The following FAM20C variants were observed in gnomAD, a reference collection of about 807,000 sequenced individuals.
FAM20C encodes the protein extracellular serine/threonine protein kinase FAM20C.
A neutral mutation model predicts 51.5 loss-of-function variants in FAM20C; 40 were observed. The observed-to-expected ratio is 0.78, with a 90% confidence interval of 0.60 to 1.01. FAM20C has a LOEUF of 1.01. FAM20C is among the 50% of genes least tolerant of loss of function. The pLI, the probability that FAM20C is intolerant of heterozygous loss-of-function variation, is 0.00. For synonymous variants in FAM20C, 406 were observed against 380.6 expected (o/e 1.07, Z -0.78); for missense variants, 861 against 844.7 (o/e 1.02, Z -0.24).
chr7:211,208 C>T (rs1251602488), intron 3 of FAM20C, among the ~76,000 whole-genome samples: 1 of 149,126 alleles, frequency 6.7e-6, no homozygotes, highest in African/African-American at 2.5e-5. Context: ...CTCCAACCTC[C>T]CTCAGCCTCC....
At chr7:246,196 G>A (rs1262943824) in intron 3 of FAM20C, 3 of 520,390 alleles carry the variant, frequency 5.8e-6, no homozygotes, top group Admixed American at 3.2e-5. Context: ...TCAGGGCCAC[G>A]GGGAGCTGGG....
At chr7:258,304 G>GCA (rs1202026480) in intron 8 of FAM20C, among the ~76,000 whole-genome samples, 1 of 64,024 alleles carries the variant, frequency 1.6e-5, no homozygotes, top group Non-Finnish European at 3.3e-5. Context: ...CTGGAGATGG[G>GCA]TGGGATGGAC....
chr7:233,947 G>C (rs931134516), intron 3 of FAM20C, among the ~76,000 whole-genome samples: 8 of 152,306 alleles, frequency 5.3e-5, no homozygotes, highest in South Asian at 2.1e-4. Context: ...GGCCAGCTCT[G>C]GGGGGAGGGA....
chr7:251,748 C>T (rs1268414315), intron 5 of FAM20C, among the ~76,000 whole-genome samples: 2 of 152,144 alleles, frequency 1.3e-5, no homozygotes, highest in African/African-American at 2.4e-5. Flanking sequence ...TTAAGCGCTC[C>T]AGCAGCTTCC....
chr7:212,570 G>A (rs527336527), intron 3 of FAM20C, among the ~76,000 whole-genome samples: 65 of 152,240 alleles, frequency 4.3e-4, no homozygotes, highest in African/African-American at 1.4e-3. Context: ...TTTCTCCTCC[G>A]AGGTGCTAGA....
intron 2 of FAM20C, among the ~76,000 whole-genome samples, chr7:203,125 G>GC (rs1786207349): frequency 6.6e-6 from 1 of 152,154 alleles, no homozygotes; most frequent in African/African-American, 2.4e-5. Context: ...GTGCCAGGAT[G>GC]CCCCCGCCTC....
intron 3 of FAM20C, among the ~76,000 whole-genome samples, chr7:218,595 G>A (rs73040196): frequency 0.22 from 33,934 of 152,064 alleles, 4,478 homozygotes; most frequent in Admixed American, 0.33. Context: ...CCTCACCACC[G>A]CTCTGACGCC....
rs1785727172 is a variant in FAM20C at position 194,010 on chromosome 7, G to A, written c.605+206G>A. 9.9e-6 allele frequency: 8 copies of A among 808,292 alleles called. No individual in the cohort carries two copies. The South Asian group carries it at 1.1e-4, about 11-fold the overall frequency. 50.1% of individuals were successfully genotyped at this position (808,292 alleles called of 1,614,324 possible). A position where few individuals can be genotyped will look rare whatever the true frequency, so the allele number is the denominator to read the frequency against. On this transcript the variant is annotated intron_variant, in intron 1 of 9. Coordinates refer to ENST00000313766, the MANE Select transcript of FAM20C (RefSeq NM_020223.4). The stretch of plus-strand genomic sequence containing the variant: ...CTTGGGAGGGGCTGCCGGCTGGTCC[G>A]GGAGCTGTGCCCTGTGGCTGCTGGT...
chr7:211,319 G>A (rs1786698975), intron 3 of FAM20C, among the ~76,000 whole-genome samples: 1 of 119,118 alleles, frequency 8.4e-6, no homozygotes, highest in Admixed American at 8.5e-5. Context: ...CCTCCTCCCA[G>A]CCTCCCCACA....
chr7:213,695 C>G (rs1187845025), intron 3 of FAM20C, among the ~76,000 whole-genome samples: 1 of 152,158 alleles, frequency 6.6e-6, no homozygotes, highest in African/African-American at 2.4e-5. Flanking sequence ...GGAGCAGTTG[C>G]CGGATCACGT....
chr7:197,207 G>A (rs1179761780), intron 2 of FAM20C: 2 of 166,972 alleles, frequency 1.2e-5, no homozygotes, highest in Non-Finnish European at 2.9e-5. Flanking sequence ...CAGCCTCAAC[G>A]AGATCTGCTG....
chr7:193,599 C>A lies in FAM20C; in HGVS notation c.400C>A (p.Pro134Thr). 2.6e-6 allele frequency: 4 copies of A among 1,537,014 alleles called. No homozygotes were observed. The highest frequency in any genetic ancestry group is 3.5e-6 in the Non-Finnish European group (4 of 1,141,714). ...TCCCGGCGCCCTAAGACCCCACGAC[C>A]CCGCGCACCGGCCGCTGCTGCGAGA... ...RDPGALRPHD[P>T]AHRPLLRDPG... Residue 134 changes from proline to threonine, a missense_variant, in exon 1 of 10, where the codon CCC becomes ACC. By Grantham distance (38) the Pro-to-Thr change is conservative. Coordinates refer to ENST00000313766, the MANE Select transcript of FAM20C (RefSeq NM_020223.4).
At chr7:251,631 G>A (rs1057216878) in intron 5 of FAM20C, among the ~76,000 whole-genome samples, 43 of 152,192 alleles carry the variant, frequency 2.8e-4, no homozygotes, top group Non-Finnish European at 5.6e-4. Flanking sequence ...GGCCAGGGAC[G>A]GTGGTCACCG....
chr7:214,954 G>C (rs1786890690), intron 3 of FAM20C, among the ~76,000 whole-genome samples: 1 of 152,132 alleles, frequency 6.6e-6, no homozygotes, highest in Admixed American at 6.5e-5. Flanking sequence ...CCAGGCACTG[G>C]GAACACAGAT....
intron 3 of FAM20C, among the ~76,000 whole-genome samples, chr7:220,988 C>T (rs1207676484): frequency 4.3e-5 from 5 of 117,132 alleles, no homozygotes; most frequent in Admixed American, 7.8e-5. Flanking sequence ...GGCTCGTCTC[C>T]AGCAGGGCAG....
At chr7:218,690 C>T (rs1787114668) in intron 3 of FAM20C, among the ~76,000 whole-genome samples, 1 of 152,242 alleles carries the variant, frequency 6.6e-6, no homozygotes, top group Non-Finnish European at 1.5e-5. Context: ...AGGGCTCACT[C>T]AGCCAATGCT....
At position 246,510 on chromosome 7, in the gene FAM20C, G is replaced by A. The variant is rs753485977; in HGVS notation, c.956+3G>A. The A allele has an allele frequency of 6.5e-7, 1 of 1,535,950 alleles. No homozygotes were observed. Among genetic ancestry groups the A allele is most frequent in the South Asian group, 1.2e-5 (1 of 83,976 alleles). ...ATTGCTGCCTTCCACCTGGACAGGT[G>A]AGCCCTTCCTTCCTCCCTCCATCCG... On this transcript the variant is annotated splice_donor_region_variant and intron_variant, in intron 4 of 9. Transcript: ENST00000313766.
chr7:195,570 G>A lies in FAM20C; in HGVS notation c.622G>A (p.Glu208Lys). ...ENPDWPHAGA[E>K]GAEFLSPGEA... ...TCCCTGCAGGCCGCATGCGGGTGCT[G>A]AAGGTGCAGAATTCCTCTCCCCCGG... The change falls in exon 2 of 10, where the codon GAA becomes AAA. Residue 208 changes from glutamate (E) to lysine (K), a missense_variant. Coordinates refer to ENST00000313766, the MANE Select transcript of FAM20C (RefSeq NM_020223.4). 1 of 1,590,240 alleles carries A rather than the reference G, an allele frequency of 6.3e-7. No individual in the cohort carries two copies. The highest frequency in any genetic ancestry group is 8.6e-7 in the Non-Finnish European group (1 of 1,166,874).
chr7:193,445 G>A lies in FAM20C; in HGVS notation c.246G>A (p.Trp82Ter). ...AASSAAGDAG[W>*]PNKHTLRILQ... is the part of the protein sequence containing the mutation. ...CCTCCGCCGCCGGCGACGCGGGCTG[G>A]CCCAACAAGCACACGCTCCGCATCC... Residue 82 changes from tryptophan (W) to a stop codon, truncating the protein, a stop_gained, in exon 1 of 10, where the codon TGG becomes TGA. Transcript: ENST00000313766. LOFTEE classifies it high-confidence loss of function. The A allele has an allele frequency of 6.9e-7, 1 of 1,450,986 alleles. No individual in the cohort carries two copies. The highest frequency in any genetic ancestry group is 1.3e-5 in the South Asian group (1 of 74,456). The allele number at this position is 1,450,986 out of a possible 1,614,324, so 89.9% of individuals were successfully genotyped here. A position where few individuals can be genotyped will look rare whatever the true frequency, so the allele number is the denominator to read the frequency against.
Sources: allele counts gnomAD v4.1 joint callset (sites outside exome capture counted in the v4.1 genomes callset), GRCh38; gene constraint gnomAD v4.1.1; transcripts MANE v1.5; gene names NCBI Gene and HGNC (gene_info 2026-07-23, HGNC 2026-07-21).